THSD7B: variants seen among roughly 807,000 people sequenced by gnomAD.
The protein encoded by THSD7B is thrombospondin type-1 domain-containing protein 7B.
A neutral mutation model predicts 213.6 loss-of-function variants in THSD7B; 138 were observed. That is an observed-to-expected ratio of 0.65 (90% CI 0.56 to 0.74). The LOEUF is 0.74. Ranked by LOEUF, THSD7B falls within the 30% of genes least tolerant of loss-of-function variation. THSD7B has a pLI of 0.00. For synonymous variants in THSD7B, 742 were observed against 687.0 expected (o/e 1.08, Z -1.25); for missense variants, 1,931 against 1,991.5 (o/e 0.97, Z 0.58).
chr2:137,028,280 A>T (rs1686591984), intron 2 of THSD7B, among the ~76,000 whole-genome samples: 1 of 152,224 alleles, frequency 6.6e-6, no homozygotes, highest in Non-Finnish European at 1.5e-5. Context: ...TTAGACAGTC[A>T]TGCTGATAAA....
intron 1 of THSD7B, among the ~76,000 whole-genome samples, chr2:136,854,544 A>G (rs907455578): frequency 1.3e-5 from 2 of 151,686 alleles, no homozygotes; most frequent in African/African-American, 4.8e-5. Flanking sequence ...TCCCTTTCTC[A>G]AGTGCACAGC....
At chr2:136,984,258 G>A (rs1449656883) in intron 2 of THSD7B, among the ~76,000 whole-genome samples, 1 of 152,204 alleles carries the variant, frequency 6.6e-6, no homozygotes, top group African/African-American at 2.4e-5. Flanking sequence ...CTGGATGTTT[G>A]TCCTCTCCAA....
chr2:136,971,129 A>G (rs1363346425), intron 2 of THSD7B, among the ~76,000 whole-genome samples: 1 of 152,198 alleles, frequency 6.6e-6, no homozygotes, highest in African/African-American at 2.4e-5. Flanking sequence ...TAAGACAAAT[A>G]AAGTTTCCAG....
At position 136,796,980 on chromosome 2, in the gene THSD7B, T is replaced by TCACACACACACACACACA. The variant is rs58116447; in HGVS notation, c.-36+31308_-36+31325dup. On this transcript the variant is annotated intron_variant, in intron 1 of 27. Coordinates refer to ENST00000409968, the MANE Select transcript of THSD7B (RefSeq NM_001316349.2). ...GCCAAGATAGTGATATCATATTTGATCACACACACACACACACACACACAC... is the reference window on the plus strand; with the variant it reads ...GCCAAGATAGTGATATCATATTTGATCACACACACACACACACACACACACACACACACACACACACAC... Among the ~76,000 whole-genome samples the TCACACACACACACACACA allele has an allele frequency of 5.3e-3, 777 of 146,908 alleles. 4 individuals are homozygous for TCACACACACACACACACA. Among genetic ancestry groups the TCACACACACACACACACA allele is most frequent in the Non-Finnish European group, 5.6e-3 (370 of 66,432 alleles).
intron 17 of THSD7B, among the ~76,000 whole-genome samples, chr2:137,606,147 G>A (rs912757607): frequency 2.0e-5 from 3 of 152,144 alleles, no homozygotes; most frequent in African/African-American, 7.2e-5. Flanking sequence ...CATCTTTCAG[G>A]AAGAGAATGT....
At chr2:137,663,606 A>G in intron 26 of THSD7B, 31 bp downstream of exon 26, 1 of 1,562,938 alleles carries the variant, frequency 6.4e-7, no homozygotes, top group Non-Finnish European at 8.7e-7. Flanking sequence ...AGAAATGAAA[A>G]TTTTCTCATG....
intron 2 of THSD7B, among the ~76,000 whole-genome samples, chr2:137,041,732 A>G (rs1686884973): frequency 6.6e-6 from 1 of 151,794 alleles, no homozygotes; most frequent in Admixed American, 6.6e-5. Context: ...TTAATATAAT[A>G]CTGGATTCAT....
At chr2:137,576,429 G>A (rs1161809250) in intron 17 of THSD7B, among the ~76,000 whole-genome samples, 2 of 152,040 alleles carry the variant, frequency 1.3e-5, no homozygotes, top group Non-Finnish European at 2.9e-5. Flanking sequence ...GGAATTAGAG[G>A]CTCATTAAAC....
chr2:137,478,903 T>A (rs912989838), intron 15 of THSD7B, among the ~76,000 whole-genome samples: 1 of 152,212 alleles, frequency 6.6e-6, no homozygotes, highest in Non-Finnish European at 1.5e-5. Flanking sequence ...AATTTGCTGG[T>A]GACAGGGATG....
At chr2:137,232,030 G>T (rs2105055285) in intron 8 of THSD7B, among the ~76,000 whole-genome samples, 1 of 152,284 alleles carries the variant, frequency 6.6e-6, no homozygotes, top group Non-Finnish European at 1.5e-5. Flanking sequence ...TTCTTAAAGT[G>T]AAGATGGTTC....
chr2:137,578,358 G>A lies in THSD7B; in HGVS notation c.3423+5802G>A, dbSNP rs578168280. On this transcript the variant is annotated intron_variant, in intron 17 of 27. Coordinates refer to ENST00000409968, the MANE Select transcript of THSD7B (RefSeq NM_001316349.2). ...ACATTCATGGAGTGAAACTCCCCAA[G>A]TTCAGACAAAGAATGACTTCTGAGA... is the stretch of plus-strand genomic sequence containing the variant. Among the ~76,000 whole-genome samples the A allele has an allele frequency of 1.6e-4, 24 of 152,332 alleles. No individual in the cohort carries two copies. The South Asian group carries it at 4.6e-3, about 29-fold the overall frequency.
At chr2:137,326,490 C>A (rs1189032950) in intron 12 of THSD7B, among the ~76,000 whole-genome samples, 1 of 152,032 alleles carries the variant, frequency 6.6e-6, no homozygotes, top group Admixed American at 6.6e-5. Context: ...GTAAAAAAAA[C>A]TTCAAAGCAG....
At chr2:137,176,980 CT>C (rs1680369907) in intron 7 of THSD7B, among the ~76,000 whole-genome samples, 2 of 152,148 alleles carry the variant, frequency 1.3e-5, no homozygotes, top group Admixed American at 6.5e-5. Flanking sequence ...GACAAAGATA[CT>C]TGGAAAGATA....
intron 17 of THSD7B, among the ~76,000 whole-genome samples, chr2:137,601,686 G>T (rs962327215): frequency 6.6e-6 from 1 of 152,142 alleles, no homozygotes; most frequent in African/African-American, 2.4e-5. Flanking sequence ...TTTAAAAATG[G>T]TGTTTCTTTG....
intron 2 of THSD7B, among the ~76,000 whole-genome samples, chr2:136,957,976 TA>T (rs1333590624): frequency 2.0e-5 from 3 of 152,218 alleles, no homozygotes; most frequent in Non-Finnish European, 2.9e-5. Flanking sequence ...TGTAGCAAGA[TA>T]AATTTAACAG....
At chr2:137,058,356 A>C (rs1687207007) in intron 3 of THSD7B, among the ~76,000 whole-genome samples, 1 of 152,134 alleles carries the variant, frequency 6.6e-6, no homozygotes, top group Non-Finnish European at 1.5e-5. Flanking sequence ...GGGTTGTGTA[A>C]ATACATTGTT....
chr2:137,365,187 T>C (rs999868712), intron 12 of THSD7B, among the ~76,000 whole-genome samples: 18 of 152,182 alleles, frequency 1.2e-4, no homozygotes, highest in Non-Finnish European at 5.9e-5. Flanking sequence ...TGGCTAGCCA[T>C]ATGAAGAAAG....
chr2:137,659,586 C>G, intron 24 of THSD7B, 78 bp from the exon 25 acceptor site: 1 of 1,339,734 alleles, frequency 7.5e-7, no homozygotes, highest in East Asian at 2.6e-5. Context: ...GCCGGTGGCA[C>G]AGGTTAAAAA....
chr2:137,548,114 T>A (rs1221700279), intron 15 of THSD7B, among the ~76,000 whole-genome samples: 3 of 152,018 alleles, frequency 2.0e-5, no homozygotes, highest in Non-Finnish European at 4.4e-5. Context: ...GAAGAAATTT[T>A]CTTTGCAAAT....
Sources: gnomAD v4.1 joint callset for allele counts (sites outside exome capture counted in the v4.1 genomes callset) on GRCh38, gnomAD v4.1.1 for gene constraint, MANE v1.5 for transcripts, NCBI Gene and HGNC (gene_info 2026-07-23, HGNC 2026-07-21) for gene names.